CPA6: variants seen among roughly 807,000 people sequenced by gnomAD.
CPA6 encodes carboxypeptidase B.
In CPA6, 58 loss-of-function variants were observed where a neutral mutation model predicts 63.3. That is an observed-to-expected ratio of 0.92 (90% confidence interval 0.74 to 1.14). The LOEUF is 1.14. Ranked by LOEUF, CPA6 falls within the 50% of genes most tolerant of loss-of-function variation. The probability of loss-of-function intolerance (pLI) is 0.00; values close to 1 mark genes in which losing one functional copy is unlikely to be tolerated. For missense variants in CPA6, 565 were observed against 526.6 expected (o/e 1.07, Z -0.71); for synonymous variants, 185 against 179.0 (o/e 1.03, Z -0.27).
chr8:67,708,279 C>T (rs80320293), intron 1 of CPA6, among the ~76,000 whole-genome samples: 26 of 152,128 alleles, frequency 1.7e-4, no homozygotes, highest in Non-Finnish European at 3.2e-4. Context: ...GTTCATAAGG[C>T]TAAAGTTTAT....
chr8:67,723,163 A>G (rs1343841190), intron 1 of CPA6, among the ~76,000 whole-genome samples: 1 of 152,124 alleles, frequency 6.6e-6, no homozygotes, highest in Non-Finnish European at 1.5e-5. Flanking sequence ...TGATTTTTCT[A>G]TTGTTCCCGT....
At chr8:67,658,389 A>G (rs1389027768) in intron 1 of CPA6, among the ~76,000 whole-genome samples, 3 of 152,200 alleles carry the variant, frequency 2.0e-5, no homozygotes, top group Admixed American at 6.5e-5. Context: ...AAGGTATGTC[A>G]TATACATTTG....
intron 6 of CPA6, among the ~76,000 whole-genome samples, chr8:67,499,929 G>T (rs1464074454): frequency 6.6e-6 from 1 of 152,000 alleles, no homozygotes; most frequent in Non-Finnish European, 1.5e-5. Context: ...CCAGTTTTGG[G>T]CTACTAAAAA....
intron 1 of CPA6, among the ~76,000 whole-genome samples, chr8:67,678,677 T>C (rs1246387400): frequency 6.6e-6 from 1 of 152,194 alleles, no homozygotes; most frequent in Non-Finnish European, 1.5e-5. Context: ...AACTGTAAAT[T>C]GGTACAATCA....
chr8:67,537,361 T>G (rs2128970091), intron 2 of CPA6, among the ~76,000 whole-genome samples: 1 of 152,324 alleles, frequency 6.6e-6, no homozygotes, highest in African/African-American at 2.4e-5. Context: ...AATTACTGCC[T>G]CAATTTCAGA....
At chr8:67,487,867 T>C (rs1401393004) in intron 6 of CPA6, among the ~76,000 whole-genome samples, 1 of 152,230 alleles carries the variant, frequency 6.6e-6, no homozygotes, top group Non-Finnish European at 1.5e-5. Context: ...TTTTGAGAAG[T>C]GTCTGTTCAT....
intron 2 of CPA6, among the ~76,000 whole-genome samples, chr8:67,614,781 T>C (rs1207702747): frequency 6.6e-6 from 1 of 152,152 alleles, no homozygotes; most frequent in Non-Finnish European, 1.5e-5. Context: ...AGGAAGATGG[T>C]GCCTTTGGAA....
At chr8:67,575,904 A>AAGTGAAAT (rs1370435612) in intron 2 of CPA6, among the ~76,000 whole-genome samples, 2 of 152,134 alleles carry the variant, frequency 1.3e-5, no homozygotes, top group Admixed American at 6.5e-5. Context: ...AAATCATGTG[A>AAGTGAAAT]AGTGAAATAA....
intron 2 of CPA6, among the ~76,000 whole-genome samples, chr8:67,527,772 A>C (rs1812395129): frequency 6.6e-6 from 1 of 152,228 alleles, no homozygotes; most frequent in Admixed American, 6.5e-5. Flanking sequence ...ATTTCAACCC[A>C]TGTGCTGAAA....
chr8:67,649,821 T>G (rs1815796687), intron 1 of CPA6, among the ~76,000 whole-genome samples: 1 of 152,242 alleles, frequency 6.6e-6, no homozygotes, highest in Admixed American at 6.5e-5. Flanking sequence ...CCAAAAAAAA[T>G]GCTTCTTGAA....
At chr8:67,732,317 G>A (rs1426349046) in intron 1 of CPA6, among the ~76,000 whole-genome samples, 1 of 152,182 alleles carries the variant, frequency 6.6e-6, no homozygotes, top group Non-Finnish European at 1.5e-5. Context: ...GAAATTTAGT[G>A]TGATAAAACT....
At chr8:67,652,116 G>T (rs1413313724) in intron 1 of CPA6, among the ~76,000 whole-genome samples, 1 of 152,104 alleles carries the variant, frequency 6.6e-6, no homozygotes, top group Non-Finnish European at 1.5e-5. Context: ...GTGAACATGT[G>T]CCACATTTTC....
intron 8 of CPA6, among the ~76,000 whole-genome samples, chr8:67,471,384 A>G (rs1811053530): frequency 1.3e-5 from 2 of 152,208 alleles, no homozygotes. Flanking sequence ...TACATGAATG[A>G]CTAAATTCAA....
chr8:67,505,624 G>A (rs1195368535), intron 6 of CPA6, among the ~76,000 whole-genome samples: 1 of 152,110 alleles, frequency 6.6e-6, no homozygotes, highest in Non-Finnish European at 1.5e-5. Flanking sequence ...TGTCCTAGCA[G>A]GATGAAATAG....
intron 6 of CPA6, among the ~76,000 whole-genome samples, chr8:67,490,077 A>T (rs1447016716): frequency 6.6e-6 from 1 of 152,178 alleles, no homozygotes; most frequent in East Asian, 1.9e-4. Context: ...CAAAGCAAGA[A>T]TCATCACGAC....
intron 2 of CPA6, among the ~76,000 whole-genome samples, chr8:67,618,977 T>C (rs1412613122): frequency 6.6e-6 from 1 of 152,214 alleles, no homozygotes; most frequent in Admixed American, 6.5e-5. Context: ...TGTTTAACTT[T>C]CTTGTTTTAA....
chr8:67,473,261 G>A (rs1018706743), intron 8 of CPA6, among the ~76,000 whole-genome samples: 2 of 152,186 alleles, frequency 1.3e-5, no homozygotes, highest in African/African-American at 4.8e-5. Flanking sequence ...TATGTTTAAG[G>A]TTGATGAGAC....
chr8:67,494,447 G>A (rs976101322), intron 6 of CPA6, among the ~76,000 whole-genome samples: 4 of 152,016 alleles, frequency 2.6e-5, no homozygotes, highest in Non-Finnish European at 5.9e-5. Flanking sequence ...ATTATTTGAG[G>A]AAAAAAACTG....
intron 1 of CPA6, among the ~76,000 whole-genome samples, chr8:67,711,915 G>C (rs1817270493): frequency 6.6e-6 from 1 of 152,124 alleles, no homozygotes; most frequent in Admixed American, 6.5e-5. Context: ...CAGAGCTGTG[G>C]TCAAATCCAC....
Sources: gnomAD v4.1 joint callset for allele counts (sites outside exome capture counted in the v4.1 genomes callset) on GRCh38, gnomAD v4.1.1 for gene constraint, MANE v1.5 for transcripts, NCBI Gene and HGNC (gene_info 2026-07-23, HGNC 2026-07-21) for gene names.